The following BCL2 variants were observed in gnomAD, a reference collection of about 807,000 sequenced individuals.
BCL2 encodes BCL2 apoptosis regulator, also known as apoptosis regulator Bcl-2.
BCL2 carries 1 observed loss-of-function variant against 14.2 expected under a neutral mutation model. The observed-to-expected ratio is 0.07, with a 90% CI of 0.02 to 0.33. The LOEUF is 0.33. Ranked by LOEUF, BCL2 falls within the 10% of genes least tolerant of loss-of-function variation. The pLI, the probability that BCL2 is intolerant of heterozygous loss-of-function variation, is 0.99. For synonymous variants in BCL2, 151 were observed against 137.2 expected (o/e 1.10, Z -0.70); for missense variants, 247 against 305.9 (o/e 0.81, Z 1.44).
At chr18:63,201,374 CT>C (rs1415256318) in intron 2 of BCL2, among the ~76,000 whole-genome samples, 1 of 152,188 alleles carries the variant, frequency 6.6e-6, no homozygotes, top group South Asian at 2.1e-4. Context: ...CCCACCGCCC[CT>C]AATAGAAAGT....
chr18:63,249,788 T>C (rs1454808011), intron 2 of BCL2, among the ~76,000 whole-genome samples: 2 of 146,852 alleles, frequency 1.4e-5, no homozygotes, highest in East Asian at 4.0e-4. Context: ...TGAAGGGACA[T>C]GCCTAAGATG....
chr18:63,138,225 G>A (rs919967850), intron 2 of BCL2, among the ~76,000 whole-genome samples: 3 of 152,226 alleles, frequency 2.0e-5, no homozygotes, highest in East Asian at 3.8e-4. Context: ...AGTGGTGGCC[G>A]GCAGAGCACA....
intron 2 of BCL2, among the ~76,000 whole-genome samples, chr18:63,282,521 A>G (rs1045740087): frequency 6.6e-6 from 1 of 152,188 alleles, no homozygotes; most frequent in Non-Finnish European, 1.5e-5. Context: ...TTTCCCTCCT[A>G]AATGGCAGTT....
intron 2 of BCL2, among the ~76,000 whole-genome samples, chr18:63,218,773 C>CCCATCCTCCATTCATT: frequency 1.0e-4 from 1 of 9,966 alleles, no homozygotes; most frequent in East Asian, 2.2e-3. Flanking sequence ...TCTACTCATC[C>CCCATCCTCCATTCATT]CCATCCTCCA....
chr18:63,209,624 G>C (rs911696559), intron 2 of BCL2, among the ~76,000 whole-genome samples: 13 of 152,190 alleles, frequency 8.5e-5, no homozygotes, highest in African/African-American at 3.1e-4. Flanking sequence ...AGGTGGCATG[G>C]ACATACAGGA....
At chr18:63,161,728 C>G (rs1295205538) in intron 2 of BCL2, 1 of 152,222 alleles carries the variant, frequency 6.6e-6, no homozygotes, top group Admixed American at 6.5e-5. Context: ...AAAAGCCTCA[C>G]CTCCAAATAC....
rs552349142 is a variant in BCL2 at position 63,254,927 on chromosome 18, T to A, written c.585+63155A>T. 2.8e-4 allele frequency among the ~76,000 whole-genome samples: 42 copies of A among 152,188 alleles called. 1 individual carries two copies. Among genetic ancestry groups the A allele is most frequent in the Admixed American group, 3.9e-4 (6 of 15,292 alleles). ...AGGTGACATGGAATGCAGGCAGAGA[T>A]GAAATGTAGAGGAGAAAGAATGCAA... is the stretch of plus-strand genomic sequence containing the variant. On this transcript the variant is annotated intron_variant, in intron 2 of 2. Transcript: ENST00000333681.
At chr18:63,301,563 T>G (rs973554860) in intron 2 of BCL2, among the ~76,000 whole-genome samples, 2 of 152,228 alleles carry the variant, frequency 1.3e-5, no homozygotes, top group Admixed American at 1.3e-4. Context: ...GGGGCTGAAA[T>G]GACTTCCTAG....
chr18:63,250,562 T>C lies in BCL2; in HGVS notation c.585+67520A>G, dbSNP rs552612340. ...CAAAAGCATATACTATTCAAAGCCG[T>C]TGGAGTCTTAATGGAGAATGGAAAC... On this transcript the variant is annotated intron_variant, in intron 2 of 2. Coordinates refer to ENST00000333681, the MANE Select transcript of BCL2 (RefSeq NM_000633.3). 4.6e-5 allele frequency among the ~76,000 whole-genome samples: 7 copies of C among 152,334 alleles called. No individual in the cohort carries two copies. The East Asian group carries it at 5.8e-4, about 13-fold the overall frequency.
At chr18:63,165,693 C>T (rs1326057138) in intron 2 of BCL2, among the ~76,000 whole-genome samples, 1 of 152,162 alleles carries the variant, frequency 6.6e-6, no homozygotes, top group Non-Finnish European at 1.5e-5. Context: ...GTGCAACAAA[C>T]ATTTACAAAG....
chr18:63,225,676 G>T (rs949717394), intron 2 of BCL2, among the ~76,000 whole-genome samples: 2 of 152,200 alleles, frequency 1.3e-5, no homozygotes, highest in Admixed American at 6.5e-5. Flanking sequence ...CACTGGCAGG[G>T]GTGAACTCCA....
intron 2 of BCL2, among the ~76,000 whole-genome samples, chr18:63,162,123 T>C (rs1206145428): frequency 6.6e-6 from 1 of 152,006 alleles, no homozygotes; most frequent in Non-Finnish European, 1.5e-5. Context: ...ATGTGTCCAT[T>C]AGAGGAAACA....
chr18:63,191,363 T>C (rs1423376649), intron 2 of BCL2, among the ~76,000 whole-genome samples: 1 of 152,246 alleles, frequency 6.6e-6, no homozygotes, highest in Non-Finnish European at 1.5e-5. Flanking sequence ...TGCCAGCATC[T>C]GTTGTTTTTT....
At chr18:63,221,356 G>A (rs1344193195) in intron 2 of BCL2, among the ~76,000 whole-genome samples, 1 of 152,080 alleles carries the variant, frequency 6.6e-6, no homozygotes, top group Non-Finnish European at 1.5e-5. Context: ...TAATCATATG[G>A]GTCCCTTCCC....
chr18:63,160,724 C>G (rs1010857766), intron 2 of BCL2, among the ~76,000 whole-genome samples: 1 of 152,060 alleles, frequency 6.6e-6, no homozygotes, highest in African/African-American at 2.4e-5. Flanking sequence ...TCCCTGTCTC[C>G]ACTTGGGCAC....
chr18:63,308,136 G>C (rs1176109884), intron 2 of BCL2, among the ~76,000 whole-genome samples: 6 of 152,222 alleles, frequency 3.9e-5, no homozygotes, highest in Non-Finnish European at 8.8e-5. Context: ...CAGGCCAATG[G>C]TTTTATGTAA....
intron 2 of BCL2, among the ~76,000 whole-genome samples, chr18:63,250,189 A>T (rs971686891): frequency 7.2e-5 from 11 of 152,256 alleles, no homozygotes; most frequent in Non-Finnish European, 2.9e-5. Context: ...GGAACTGCAC[A>T]TCTGAAGTTG....
chr18:63,318,779 T>G lies in BCL2; in HGVS notation c.-113A>C. 6.6e-7 allele frequency: 1 copy of G among 1,507,496 alleles called. No individual in the cohort carries two copies. Among genetic ancestry groups the G allele is most frequent in the Non-Finnish European group, 8.9e-7 (1 of 1,129,472 alleles). The allele number at this position is 1,507,496 out of a possible 1,614,324, so 93.4% of individuals were successfully genotyped here. On this transcript the variant is annotated 5_prime_UTR_variant, in exon 2 of 3. Coordinates refer to ENST00000333681, the MANE Select transcript of BCL2 (RefSeq NM_000633.3). The surrounding 1 kb of genome is among the most constrained non-coding windows in gnomAD (Gnocchi z 7.4). ...AATCCAGCTATTTTATTGGATGTGC[T>G]TTGCATTCTTGGACGAGGGGGTGTC... is the stretch of plus-strand genomic sequence containing the variant.
chr18:63,257,926 T>C (rs1911530713), intron 2 of BCL2, among the ~76,000 whole-genome samples: 1 of 87,126 alleles, frequency 1.1e-5, no homozygotes, highest in South Asian at 5.0e-4. Context: ...AAGAGTAGTG[T>C]TATGGGTCGA....
Sources: allele counts gnomAD v4.1 joint callset (sites outside exome capture counted in the v4.1 genomes callset), GRCh38; gene constraint gnomAD v4.1.1; non-coding constraint Gnocchi (gnomAD v3.1); transcripts MANE v1.5; gene names NCBI Gene and HGNC (gene_info 2026-07-23, HGNC 2026-07-21).